AOPEP: variants seen among roughly 807,000 people sequenced by gnomAD.
AOPEP encodes the protein aminopeptidase O (putative), also known as aminopeptidase O.
Under a neutral mutation model 98.1 loss-of-function variants are expected in AOPEP, and 77 were observed. That is an observed-to-expected ratio of 0.78 (90% CI 0.65 to 0.95). AOPEP has a LOEUF of 0.95. AOPEP is among the 40% of genes least tolerant of loss of function. The pLI, the probability that AOPEP is intolerant of heterozygous loss-of-function variation, is 0.00. For synonymous variants in AOPEP, 346 were observed against 365.3 expected (o/e 0.95, Z 0.60); for missense variants, 1,024 against 1,024.7 (o/e 1.00, Z 0.01).
chr9:94,884,765 A>G (rs1297961667), intron 5 of AOPEP, among the ~76,000 whole-genome samples: 1 of 151,996 alleles, frequency 6.6e-6, no homozygotes, highest in Non-Finnish European at 1.5e-5. Context: ...TAATCCCAGC[A>G]CTTTGGGAGG....
At chr9:94,884,820 G>A (rs1340133455) in intron 5 of AOPEP, among the ~76,000 whole-genome samples, 1 of 148,450 alleles carries the variant, frequency 6.7e-6, no homozygotes, top group Non-Finnish European at 1.5e-5. Flanking sequence ...GACCATCCTG[G>A]CCAACATGGT....
chr9:94,978,193 T>A (rs1380818447), intron 10 of AOPEP, among the ~76,000 whole-genome samples: 1 of 152,146 alleles, frequency 6.6e-6, no homozygotes, highest in Non-Finnish European at 1.5e-5. Context: ...TATCTTTTCA[T>A]AACTTCTAGA....
chr9:95,030,900 T>TA, intron 13 of AOPEP, among the ~76,000 whole-genome samples: 1 of 152,374 alleles, frequency 6.6e-6, no homozygotes, highest in East Asian at 1.9e-4. Flanking sequence ...AACATGCAGT[T>TA]ACACAGCTGT....
At chr9:94,809,725 A>T (rs1402435245) in intron 5 of AOPEP, among the ~76,000 whole-genome samples, 1 of 152,222 alleles carries the variant, frequency 6.6e-6, no homozygotes, top group Non-Finnish European at 1.5e-5. Context: ...TATAAGTTAT[A>T]TGCATTTAGT....
chr9:95,128,037 T>C, the AOPEP span, among the ~76,000 whole-genome samples: 1 of 152,240 alleles, frequency 6.6e-6, no homozygotes, highest in African/African-American at 2.4e-5. Context: ...AAATTCATTA[T>C]CTATGCAAGA....
chr9:94,816,006 A>G (rs1042197202), intron 5 of AOPEP, among the ~76,000 whole-genome samples: 1 of 152,176 alleles, frequency 6.6e-6, no homozygotes, highest in Non-Finnish European at 1.5e-5. Context: ...TTTGGCCAGC[A>G]TCAGTACTGA....
At chr9:94,735,418 C>G (rs903809667) in intron 1 of AOPEP, among the ~76,000 whole-genome samples, 3 of 152,080 alleles carry the variant, frequency 2.0e-5, no homozygotes, top group Non-Finnish European at 4.4e-5. Context: ...GACAGGGTTT[C>G]ACCGTGTTAG....
intron 3 of AOPEP, among the ~76,000 whole-genome samples, chr9:94,791,836 A>G (rs1321372740): frequency 3.9e-5 from 6 of 152,260 alleles, no homozygotes; most frequent in Non-Finnish European, 7.3e-5. Flanking sequence ...AAGTTAAAAA[A>G]AAAGATGATA....
chr9:95,125,062 AG>A, the AOPEP span: 78 of 1,582,188 alleles, frequency 4.9e-5, no homozygotes, highest in Non-Finnish European at 6.6e-5. Context: ...GGGATGAATG[AG>A]TAATATATGT....
chr9:94,926,497 C>G (rs541390844), intron 6 of AOPEP, among the ~76,000 whole-genome samples: 71 of 152,350 alleles, frequency 4.7e-4, no homozygotes, highest in African/African-American at 1.6e-3. Flanking sequence ...GCAAAATTGC[C>G]ATTCTAGATT....
chr9:95,061,782 A>G (rs1477730469), intron 14 of AOPEP, among the ~76,000 whole-genome samples: 1 of 152,236 alleles, frequency 6.6e-6, no homozygotes, highest in African/African-American at 2.4e-5. Flanking sequence ...AAAGCCCCAT[A>G]AACTCAACAG....
At chr9:95,094,318 G>A in the AOPEP span, among the ~76,000 whole-genome samples, 1 of 152,204 alleles carries the variant, frequency 6.6e-6, no homozygotes, top group Non-Finnish European at 1.5e-5. Flanking sequence ...TTCGATCTTA[G>A]TGCTTTTATT....
chr9:94,852,070 T>C (rs2043619845), intron 5 of AOPEP, among the ~76,000 whole-genome samples: 1 of 152,096 alleles, frequency 6.6e-6, no homozygotes, highest in Admixed American at 6.6e-5. Flanking sequence ...TGACGAGAGA[T>C]GAACCTAGAA....
intron 11 of AOPEP, among the ~76,000 whole-genome samples, chr9:94,996,391 T>TGTGTGTGTGTGA (rs375605056): frequency 2.1e-5 from 3 of 144,658 alleles, no homozygotes; most frequent in East Asian, 4.1e-4. Flanking sequence ...TGTGTGTGTG[T>TGTGTGTGTGTGA]GAGAGAGAGA....
intron 7 of AOPEP, chr9:94,933,138 G>C: frequency 1.0e-6 from 1 of 985,786 alleles, no homozygotes; most frequent in Non-Finnish European, 1.2e-6. Flanking sequence ...CCACTGTTCA[G>C]CTCTCTCCTG....
the AOPEP span, chr9:95,125,336 A>C: frequency 1.4e-6 from 1 of 702,704 alleles, no homozygotes; most frequent in African/African-American, 1.8e-5. Flanking sequence ...CCTTGTGTGA[A>C]AACAGGATAA....
At chr9:94,796,874 C>A (rs1847059757) in intron 4 of AOPEP, among the ~76,000 whole-genome samples, 1 of 152,140 alleles carries the variant, frequency 6.6e-6, no homozygotes, top group Non-Finnish European at 1.5e-5. Flanking sequence ...GTTTCTTTAA[C>A]CTCTTGAGGC....
At chr9:94,755,963 A>C (rs1167375539) in intron 1 of AOPEP, among the ~76,000 whole-genome samples, 1 of 152,170 alleles carries the variant, frequency 6.6e-6, no homozygotes, top group Non-Finnish European at 1.5e-5. Context: ...ATTGTTTTTA[A>C]AGATGGCAAC....
chr9:94,927,630 T>G (rs937169041), intron 6 of AOPEP, among the ~76,000 whole-genome samples: 10 of 152,126 alleles, frequency 6.6e-5, no homozygotes, highest in African/African-American at 2.4e-4. Context: ...TCCCTTCACC[T>G]CTCCCGTCAC....
Sources: gnomAD v4.1 joint callset for allele counts (sites outside exome capture counted in the v4.1 genomes callset) on GRCh38, gnomAD v4.1.1 for gene constraint, MANE v1.5 for transcripts, NCBI Gene and HGNC (gene_info 2026-07-23, HGNC 2026-07-21) for gene names.